Variants in ENOX2 observed in about 807,000 individuals in gnomAD.
ENOX2 encodes APK1 antigen.
ENOX2 carries 36 observed loss-of-function variants against 45.0 expected under a neutral mutation model. The observed-to-expected ratio is 0.80, with a 90% CI of 0.61 to 1.06. The LOEUF (loss-of-function observed/expected upper bound fraction) is 1.06, where lower values mean the gene tolerates loss of function less well. Ranked by LOEUF, ENOX2 falls within the 50% of genes least tolerant of loss-of-function variation. ENOX2 has a pLI of 0.00. For missense variants in ENOX2, 423 were observed against 462.5 expected (o/e 0.91, Z 0.78); for synonymous variants, 174 against 152.3 (o/e 1.14, Z -1.05).
At chrX:130,770,568 TA>T (rs904409103) in intron 3 of ENOX2, among the ~76,000 whole-genome samples, 12 of 108,990 alleles carry the variant, frequency 1.1e-4, no homozygotes, top group African/African-American at 4.0e-4. Context: ...GTCCATAATT[TA>T]AAAAAAAAGA....
intron 2 of ENOX2, among the ~76,000 whole-genome samples, chrX:130,804,405 T>A (rs886848755): frequency 1.1e-4 from 12 of 111,917 alleles, no homozygotes; most frequent in African/African-American, 2.9e-4. Context: ...TAGCCTCTCT[T>A]GACACTCCAT....
At chrX:130,664,030 T>G (rs913160835) in intron 9 of ENOX2, among the ~76,000 whole-genome samples, 4 of 111,879 alleles carry the variant, frequency 3.6e-5, no homozygotes, top group African/African-American at 1.3e-4. Context: ...TACAGTAAGA[T>G]AATAGTTTCC....
chrX:130,650,408 A>T (rs2036368167), intron 10 of ENOX2, among the ~76,000 whole-genome samples: 2 of 111,177 alleles, frequency 1.8e-5, no homozygotes, highest in South Asian at 7.7e-4. Context: ...TACTGAGGGG[A>T]CCTTACCTAC....
intron 2 of ENOX2, among the ~76,000 whole-genome samples, chrX:130,837,448 T>A (rs781758540): frequency 8.9e-6 from 1 of 112,104 alleles, no homozygotes; most frequent in South Asian, 3.7e-4. Context: ...AGAGTTGAAA[T>A]GGTCCTTTGA....
Position 130,746,359 on chromosome X carries a change from T to A in ENOX2, c.-39+37188A>T, listed in dbSNP as rs566068209. On this transcript the variant is annotated intron_variant, in intron 3 of 14. Transcript: ENST00000394363. ...GTGGACTAATGTGTACCTGCTTCAC[T>A]GCCAACACAAGAGTCCTCATAAACT... Among the ~76,000 whole-genome samples the A allele has an allele frequency of 5.8e-4, 65 of 112,072 alleles. 1 individual carries two copies. The South Asian group carries it at 0.023, about 39-fold the overall frequency.
At chrX:130,711,979 C>T (rs1195637985) in intron 3 of ENOX2, among the ~76,000 whole-genome samples, 1 of 111,293 alleles carries the variant, frequency 9.0e-6, no homozygotes, top group Non-Finnish European at 1.9e-5. Context: ...ACATACCCTA[C>T]ATTTATGAAG....
At chrX:130,629,082 G>C (rs1334692545) in intron 13 of ENOX2, among the ~76,000 whole-genome samples, 2 of 111,889 alleles carry the variant, frequency 1.8e-5, no homozygotes, top group Non-Finnish European at 3.8e-5. Context: ...GTAGTTTGAA[G>C]TTCAATCAAA....
intron 3 of ENOX2, among the ~76,000 whole-genome samples, chrX:130,752,384 CTTTG>C (rs1289366036): frequency 1.8e-5 from 2 of 109,605 alleles, no homozygotes; most frequent in African/African-American, 6.7e-5. Flanking sequence ...CTATCAGTTG[CTTTG>C]TTTATCACCC....
intron 1 of ENOX2, among the ~76,000 whole-genome samples, chrX:130,902,398 C>T (rs2079157609): frequency 9.0e-6 from 1 of 111,136 alleles, no homozygotes; most frequent in African/African-American, 3.3e-5. Flanking sequence ...AAGATTCCTT[C>T]CCTCTTTTGC....
chrX:130,627,805 G>C (rs2035587969), intron 14 of ENOX2, among the ~76,000 whole-genome samples, 153 bp downstream of exon 14: 1 of 111,858 alleles, frequency 8.9e-6, no homozygotes, highest in African/African-American at 3.3e-5. Context: ...CTTGCAAAGG[G>C]GAAGCTCTGC....
intron 2 of ENOX2, among the ~76,000 whole-genome samples, chrX:130,826,598 A>G (rs2148477848): frequency 9.0e-6 from 1 of 111,624 alleles, no homozygotes; most frequent in East Asian, 2.8e-4. Context: ...AAGTGTTTTT[A>G]GGTTTAAGAA....
At chrX:130,715,451 A>C (rs766658571) in intron 3 of ENOX2, among the ~76,000 whole-genome samples, 3 of 112,270 alleles carry the variant, frequency 2.7e-5, no homozygotes, top group Non-Finnish European at 5.6e-5. Flanking sequence ...ACCTCTGCAA[A>C]GCAGCCAAAC....
chrX:130,861,877 G>A (rs944409738), intron 2 of ENOX2, among the ~76,000 whole-genome samples: 1 of 111,396 alleles, frequency 9.0e-6, no homozygotes, highest in East Asian at 2.8e-4. Flanking sequence ...TAAGGTGATG[G>A]TTTTGTGGTG....
At chrX:130,836,463 G>GAA (rs371962181) in intron 2 of ENOX2, among the ~76,000 whole-genome samples, 4 of 104,558 alleles carry the variant, frequency 3.8e-5, no homozygotes, top group African/African-American at 1.4e-4. Context: ...TGAGTCTCCA[G>GAA]AAAAAAAAAA....
intron 2 of ENOX2, among the ~76,000 whole-genome samples, chrX:130,898,668 C>T (rs1255745378): frequency 9.1e-6 from 1 of 110,158 alleles, no homozygotes; most frequent in African/African-American, 3.3e-5. Context: ...GTAATCCATT[C>T]TATAAATGTA....
intron 2 of ENOX2, among the ~76,000 whole-genome samples, chrX:130,884,417 T>C (rs1400514939): frequency 1.8e-5 from 2 of 111,835 alleles, no homozygotes; most frequent in African/African-American, 6.5e-5. Context: ...CATTGTCAAA[T>C]GCTGAAGAAG....
intron 2 of ENOX2, among the ~76,000 whole-genome samples, chrX:130,890,464 AT>A (rs1203383939): frequency 1.8e-5 from 2 of 111,958 alleles, no homozygotes; most frequent in Non-Finnish European, 3.8e-5. Context: ...GATTCTGAGT[AT>A]TTTTGTCAAA....
chrX:130,720,306 G>A (rs2038442155), intron 3 of ENOX2, among the ~76,000 whole-genome samples: 1 of 112,372 alleles, frequency 8.9e-6, no homozygotes, highest in African/African-American at 3.2e-5. Flanking sequence ...GGAAAACAGG[G>A]AGGCATGGAG....
At chrX:130,783,302 T>C (rs1476526329) in intron 3 of ENOX2, among the ~76,000 whole-genome samples, 2 of 112,213 alleles carry the variant, frequency 1.8e-5, no homozygotes, top group Non-Finnish European at 3.8e-5. Context: ...TGTGCTCTCA[T>C]CGGTTTTTCA....
Sources: gnomAD v4.1 joint callset for allele counts (sites outside exome capture counted in the v4.1 genomes callset) on GRCh38, gnomAD v4.1.1 for gene constraint, MANE v1.5 for transcripts, NCBI Gene and HGNC (gene_info 2026-07-23, HGNC 2026-07-21) for gene names.